Variants in DNAH17 observed in about 807,000 individuals in gnomAD.
DNAH17 encodes the protein axonemal beta dynein heavy chain 17.
In DNAH17, 376 loss-of-function variants were observed where a neutral mutation model predicts 485.6. That is an observed-to-expected ratio of 0.77 (90% CI 0.71 to 0.84). DNAH17 has a LOEUF of 0.84. DNAH17 is among the 40% of genes least tolerant of loss of function. The probability of loss-of-function intolerance (pLI) is 0.00; values close to 1 mark genes in which losing one functional copy is unlikely to be tolerated. For synonymous variants in DNAH17, 3,031 were observed against 2,405.9 expected (o/e 1.26, Z -7.60); for missense variants, 6,370 against 5,839.3 (o/e 1.09, Z -2.96).
In DNAH17 at chr17:78,529,487, G is replaced by A. The variant is rs1422718601; in HGVS notation, c.3492C>T (p.Ile1164=). ...KTYGEEMPEE[I]HLKLQELPEH... ...CACCACGTACCTGCAGCTTCAAGTG[G>A]ATCTCCTCTGGCATCTCCTCCCCGT... is the stretch of plus-strand genomic sequence containing the variant. The change falls in exon 22 of 81, where the codon ATC becomes ATT. Residue 1164 remains isoleucine, a synonymous_variant. Coordinates refer to ENST00000389840, the MANE Select transcript of DNAH17 (RefSeq NM_173628.4). 6.2e-7 allele frequency: 1 copy of A among 1,613,774 alleles called. No homozygotes were observed. The highest frequency in any genetic ancestry group is 1.3e-5 in the African/African-American group (1 of 74,890).
At chr17:78,539,213 G>C (rs1412014992) in intron 18 of DNAH17, among the ~76,000 whole-genome samples, 6 of 152,202 alleles carry the variant, frequency 3.9e-5, no homozygotes, top group African/African-American at 1.4e-4. Flanking sequence ...CTGGGCAACA[G>C]AGCGGGACTC....
At chr17:78,471,586 G>A (rs2088755099) in intron 54 of DNAH17, among the ~76,000 whole-genome samples, 1 of 152,124 alleles carries the variant, frequency 6.6e-6, no homozygotes, top group African/African-American at 2.4e-5. Context: ...GGAGAGCAGT[G>A]GCATGATCAT....
chr17:78,468,631 G>T lies in DNAH17; in HGVS notation c.8764C>A (p.Arg2922Ser), dbSNP rs367844100. 6.2e-6 allele frequency: 10 copies of T among 1,613,178 alleles called. No homozygotes were observed. In the South Asian group the frequency reaches 9.9e-5, roughly 16 times the overall value. The change falls in exon 55 of 81, where the codon CGC becomes AGC. Residue 2922 changes from arginine (R) to serine (S), a missense_variant. By Grantham distance (110) the Arg-to-Ser change is moderately radical. Transcript: ENST00000389840. The part of the protein sequence containing the change: ...TCWKFFIEKV[R>S]RQLKVILCFS... ...GGGAGCCCCACCTTGAGCTGTCTGC[G>T]CACTTTTTCGATGAAGAACTTCCAA...
At chr17:78,554,849 C>A (rs1046452397) in intron 14 of DNAH17, among the ~76,000 whole-genome samples, 1 of 152,196 alleles carries the variant, frequency 6.6e-6, no homozygotes, top group African/African-American at 2.4e-5. Flanking sequence ...CAGGTTCAAG[C>A]GATTCTCCTG....
chr17:78,552,712 A>G lies in DNAH17; in HGVS notation c.2272T>C (p.Phe758Leu), dbSNP rs938862173. The change falls in exon 15 of 81, where the codon TTC (phenylalanine) becomes CTC (leucine). Residue 758 changes from phenylalanine to leucine, a missense_variant. Physicochemically the swap from Phe to Leu is conservative, Grantham distance 22. Transcript: ENST00000389840. ...VKLLSAETTL[F>L]WNGEGVFQYI... ...GCCTCCGTACCTTCGCCATTCCAGA[A>G]TAATGTCGTTTCAGCGCTCAATAAC... 6.2e-7 allele frequency: 1 copy of G among 1,613,834 alleles called. No homozygotes were observed. The highest frequency in any genetic ancestry group is 1.6e-4 in the Middle Eastern group (1 of 6,062).
intron 26 of DNAH17, among the ~76,000 whole-genome samples, chr17:78,511,264 C>T (rs544938208): frequency 3.9e-5 from 6 of 152,340 alleles, no homozygotes; most frequent in African/African-American, 9.6e-5. Flanking sequence ...CGTACCACCA[C>T]GTGCAGCTAA....
chr17:78,485,110 G>A (rs2089540147), intron 47 of DNAH17, 77 bp from the exon 48 acceptor site: 13 of 1,465,004 alleles, frequency 8.9e-6, no homozygotes, highest in Non-Finnish European at 1.2e-5. Context: ...GGCGCTACCT[G>A]CTTCCCCGGA....
chr17:78,490,775 G>A lies in DNAH17; in HGVS notation c.6742C>T (p.Leu2248=). Residue 2248 remains leucine, a synonymous_variant, in exon 44 of 81, where the codon CTG becomes TTG. Transcript: ENST00000389840. ...ACGGTGGCTGGGGTGGCCGTCCTCA[G>A]GTGGCTGATTTCGAACACCAGCCTC... ...TMRLVFEISH[L]RTATPATVSR... 1 of 1,605,628 alleles carries A rather than the reference G, an allele frequency of 6.2e-7. No homozygotes were observed. The highest frequency in any genetic ancestry group is 1.1e-5 in the South Asian group (1 of 89,280).
chr17:78,532,883 GCCGATCAC>G, intron 19 of DNAH17, 147 bp from the exon 20 acceptor site: 1 of 1,005,384 alleles, frequency 9.9e-7, no homozygotes, highest in Non-Finnish European at 1.4e-6. Context: ...TCCAGCCTGG[GCCGATCAC>G]CCCTCTTTAG....
At position 78,450,359 on chromosome 17, in the gene DNAH17, G is replaced by A. The variant is rs201925330; in HGVS notation, c.10935C>T (p.Asn3645=). 1.1e-4 allele frequency: 177 copies of A among 1,613,848 alleles called. No individual in the cohort carries two copies. Among genetic ancestry groups the A allele is most frequent in the South Asian group, 3.7e-4 (34 of 91,078 alleles). The change falls in exon 68 of 81, where the codon AAC becomes AAT. Residue 3645 remains asparagine, a synonymous_variant. Coordinates refer to ENST00000389840, the MANE Select transcript of DNAH17 (RefSeq NM_173628.4). The stretch of plus-strand genomic sequence containing the variant: ...CCGGGCGGTAGTTCTCTCTCGCTTC[G>A]TTGATTTTAACTTCTGTGATTTTTG... ...VEAKITEVKI[N]EARENYRPAA... is the part of the protein sequence containing the mutation.
chr17:78,499,308 C>G, intron 36 of DNAH17, 196 bp from the exon 37 acceptor site: 1 of 411,182 alleles, frequency 2.4e-6, no homozygotes, highest in Admixed American at 4.4e-5. Flanking sequence ...GGGCTGGACA[C>G]GAGGAAGAGC....
intron 25 of DNAH17, among the ~76,000 whole-genome samples, chr17:78,524,141 A>G (rs2091002670): frequency 6.6e-6 from 1 of 151,660 alleles, no homozygotes; most frequent in African/African-American, 2.4e-5. Context: ...GCTCTTATTT[A>G]TGTGTTTATT....
chr17:78,501,985 A>T, intron 33 of DNAH17, 112 bp from the exon 34 acceptor site: 2 of 1,490,256 alleles, frequency 1.3e-6, no homozygotes, highest in Non-Finnish European at 1.8e-6. Context: ...TTTTGTTTAC[A>T]GTAATGAAAA....
chr17:78,468,745 G>C lies in DNAH17; in HGVS notation c.8650C>G (p.Leu2884Val), dbSNP rs568270363. The change falls in exon 55 of 81, where the codon CTG becomes GTG. Residue 2884 changes from leucine to valine, a missense_variant. Transcript: ENST00000389840. Reference sequence around the variant, plus strand: ...TTCTCCACCTCGTCCTCCATAAACAGCCCAGGGATCTCTCCTGAGGCCAGC... The same window carrying C: ...TTCTCCACCTCGTCCTCCATAAACACCCCAGGGATCTCTCCTGAGGCCAGC... Reference protein sequence around the residue: ...DLLASGEIPGLFMEDEVENII... With the variant: ...DLLASGEIPGVFMEDEVENII... 2 of 1,614,036 alleles carry C rather than the reference G, an allele frequency of 1.2e-6. No homozygotes were observed. The highest frequency in any genetic ancestry group is 3.3e-5 in the Admixed American group (2 of 60,022).
chr17:78,508,738 A>G (rs1012168634), intron 27 of DNAH17, among the ~76,000 whole-genome samples: 9 of 152,148 alleles, frequency 5.9e-5, no homozygotes, highest in African/African-American at 1.9e-4. Context: ...GCTAAAGGAT[A>G]TGGGTTTCTT....
chr17:78,424,062 AATGGCCTTGATGAAGATG>A lies in DNAH17; in HGVS notation c.13215_13232del (p.Ile4406_Ile4411del). 1 of 1,614,066 alleles carries A rather than the reference AATGGCCTTGATGAAGATG, an allele frequency of 6.2e-7. No homozygotes were observed. Among genetic ancestry groups the A allele is most frequent in the Non-Finnish European group, 8.5e-7 (1 of 1,179,900 alleles). ...TCTTGGTCTCCATGCGGTCCACAGG[AATGGCCTTGATGAAGATG>A]ACAGGCATGGCCGGGGTCAGCTCTT... On this transcript the variant is annotated inframe_deletion, in exon 81 of 81. Transcript: ENST00000389840.
intron 48 of DNAH17, among the ~76,000 whole-genome samples, chr17:78,482,175 A>T (rs1429904559): frequency 6.8e-6 from 1 of 146,912 alleles, no homozygotes; most frequent in East Asian, 2.0e-4. Context: ...TCCTGGGCTC[A>T]AGCTGTCCTC....
Position 78,449,477 on chromosome 17 carries a change from C to T in DNAH17, c.11148G>A (p.Met3716Ile), listed in dbSNP as rs756497599. 12 of 1,567,304 alleles carry T rather than the reference C, an allele frequency of 7.7e-6. No individual in the cohort carries two copies. In the South Asian group the frequency reaches 1.4e-4, roughly 18 times the overall value. ...LTDEITYSVYMYTARGLFERD... is the reference protein window; with the variant it reads ...LTDEITYSVYIYTARGLFERD... ...TCTCGAAGAGTCCCCGGGCCGTGTA[C>T]ATGTAGACGGAGTAGGTGATCTCGT... The change falls in exon 69 of 81, where the codon ATG (methionine) becomes ATA (isoleucine). Residue 3716 changes from methionine (M) to isoleucine (I), a missense_variant. Coordinates refer to ENST00000389840, the MANE Select transcript of DNAH17 (RefSeq NM_173628.4).
chr17:78,461,289 G>A (rs568291107), intron 58 of DNAH17, among the ~76,000 whole-genome samples: 32 of 152,328 alleles, frequency 2.1e-4, no homozygotes, highest in African/African-American at 6.0e-4. Context: ...TGAGGCTGCC[G>A]CTGTAGGCTG....
Sources: allele counts gnomAD v4.1 joint callset (sites outside exome capture counted in the v4.1 genomes callset), GRCh38; gene constraint gnomAD v4.1.1; transcripts MANE v1.5; gene names NCBI Gene and HGNC (gene_info 2026-07-23, HGNC 2026-07-21).